EYS: variants seen among roughly 807,000 people sequenced by gnomAD.
The protein encoded by EYS is protein eyes shut homolog.
In EYS, 250 loss-of-function variants were observed where a neutral mutation model predicts 282.1. The ratio of observed to expected loss-of-function variants is 0.89; its 90% CI spans 0.80 to 0.98. EYS has a LOEUF of 0.98. Among genes scored for constraint, EYS ranks in the 50% least tolerant of loss-of-function variants. EYS has a pLI of 0.00. For synonymous variants in EYS, 1,355 were observed against 1,282.9 expected (o/e 1.06, Z -1.20); for missense variants, 4,016 against 3,709.0 (o/e 1.08, Z -2.15).
intron 31 of EYS, among the ~76,000 whole-genome samples, chr6:64,141,377 G>C (rs964351645): frequency 6.6e-6 from 1 of 152,212 alleles, no homozygotes; most frequent in Non-Finnish European, 1.5e-5. Context: ...TATGAAAAGA[G>C]AGAAATCACT....
At chr6:65,687,985 A>G (rs1171314680) in intron 1 of EYS, among the ~76,000 whole-genome samples, 2 of 152,218 alleles carry the variant, frequency 1.3e-5, no homozygotes, top group Non-Finnish European at 2.9e-5. Flanking sequence ...AAGAATCAAT[A>G]TCGTGAAAAT....
rs184618843 is a variant in EYS, at chr6:65,005,257, G to A, written c.2138-7554C>T. Among the ~76,000 whole-genome samples, 114 of 148,076 alleles carry A rather than the reference G, an allele frequency of 7.7e-4. 8 individuals are homozygous for A. Among genetic ancestry groups the A allele is most frequent in the Non-Finnish European group, 1.3e-3 (85 of 66,024 alleles). ...TAAAGGCTTGCCATTGTTCCTGCAC[G>A]GCTAAGTGCCTGCGTTCATCCTAAT... On this transcript the variant is annotated intron_variant, in intron 13 of 42. Coordinates refer to ENST00000503581, the MANE Select transcript of EYS (RefSeq NM_001142800.2).
intron 12 of EYS, among the ~76,000 whole-genome samples, chr6:65,085,936 T>A (rs1440334634): frequency 6.8e-5 from 7 of 102,548 alleles, no homozygotes; most frequent in African/African-American, 1.4e-4. Context: ...CTCCCTTCCC[T>A]TCCCAAAATT....
In EYS at chr6:63,821,585, CTT is replaced by C. The variant is rs1771327764; in HGVS notation, c.7229-15215_7229-15214del. 12 of 152,366 alleles carry C rather than the reference CTT, an allele frequency of 7.9e-5. No individual in the cohort carries two copies. The South Asian group carries it at 2.5e-3, about 32-fold the overall frequency. 9.4% of individuals were successfully genotyped at this position (152,366 alleles called of 1,614,324 possible). The stretch of plus-strand genomic sequence containing the variant: ...GGAGAAAGCCAATGACAGGTTGCTT[CTT>C]GACTGGAATTGTTCAGCACTCCAGA... On this transcript the variant is annotated intron_variant, in intron 36 of 42. Transcript: ENST00000503581.
chr6:64,745,563 T>G (rs1772530471), intron 22 of EYS, among the ~76,000 whole-genome samples: 1 of 152,182 alleles, frequency 6.6e-6, no homozygotes, highest in South Asian at 2.1e-4. Context: ...AAACAGTTAC[T>G]TAAGCGACAA....
chr6:64,565,291 T>C (rs1403249441), intron 26 of EYS, among the ~76,000 whole-genome samples: 1 of 152,182 alleles, frequency 6.6e-6, no homozygotes, highest in African/African-American at 2.4e-5. Context: ...GTTTTTTTTC[T>C]GTTTATTTCT....
intron 14 of EYS, among the ~76,000 whole-genome samples, chr6:64,993,661 G>T (rs1771152046): frequency 6.6e-6 from 1 of 150,752 alleles, no homozygotes; most frequent in Non-Finnish European, 1.5e-5. Context: ...CACCAACATG[G>T]CACATGTATA....
At chr6:64,675,534 T>G (rs1182108232) in intron 22 of EYS, among the ~76,000 whole-genome samples, 1 of 146,240 alleles carries the variant, frequency 6.8e-6, no homozygotes, top group African/African-American at 2.5e-5. Flanking sequence ...TTCAAGCAAT[T>G]CTCCTGCCTC....
intron 34 of EYS, among the ~76,000 whole-genome samples, chr6:63,995,401 C>T (rs189061355): frequency 2.0e-5 from 3 of 151,922 alleles, no homozygotes; most frequent in Admixed American, 2.0e-4. Flanking sequence ...CAGAAAATAA[C>T]AAGTCTTAGT....
intron 22 of EYS, among the ~76,000 whole-genome samples, chr6:64,745,305 A>G (rs1458316685): frequency 6.6e-6 from 1 of 152,208 alleles, no homozygotes; most frequent in Non-Finnish European, 1.5e-5. Flanking sequence ...ATGTCAATAT[A>G]CAAAATGGCA....
intron 9 of EYS, among the ~76,000 whole-genome samples, chr6:65,349,870 A>G (rs188973640): frequency 2.0e-5 from 3 of 151,642 alleles, no homozygotes; most frequent in Admixed American, 1.3e-4. Flanking sequence ...ATGCGCCTAT[A>G]CTACAGCAAT....
intron 12 of EYS, among the ~76,000 whole-genome samples, chr6:65,271,063 C>A (rs1330118297): frequency 2.1e-5 from 3 of 142,686 alleles, no homozygotes; most frequent in Non-Finnish European, 3.0e-5. Context: ...CTTATCATAA[C>A]AACATCCCAC....
At chr6:65,070,063 G>A (rs1773860248) in intron 12 of EYS, among the ~76,000 whole-genome samples, 1 of 151,854 alleles carries the variant, frequency 6.6e-6, no homozygotes, top group Non-Finnish European at 1.5e-5. Flanking sequence ...GTAAAAATAT[G>A]AGGTTAAAAC....
At chr6:64,121,721 A>T (rs1308033543) in intron 31 of EYS, among the ~76,000 whole-genome samples, 1 of 152,138 alleles carries the variant, frequency 6.6e-6, no homozygotes, top group Non-Finnish European at 1.5e-5. Flanking sequence ...ACTCATCCAA[A>T]ACCAATTTCA....
intron 31 of EYS, among the ~76,000 whole-genome samples, chr6:64,223,563 C>CTAGTTCTACACTTGTCTTT (rs1766166015): frequency 6.6e-6 from 1 of 152,018 alleles, no homozygotes; most frequent in East Asian, 1.9e-4. Flanking sequence ...ACCTTGTATT[C>CTAGTTCTACACTTGTCTTT]TAGTTCTACA....
chr6:63,887,750 C>G (rs962061058), intron 35 of EYS, among the ~76,000 whole-genome samples: 1 of 134,074 alleles, frequency 7.5e-6, no homozygotes, highest in Non-Finnish European at 1.7e-5. Context: ...AGCCACTGAG[C>G]TAGATGCAGA....
chr6:64,606,239 C>T (rs988458846), intron 24 of EYS, among the ~76,000 whole-genome samples: 6 of 151,938 alleles, frequency 3.9e-5, no homozygotes, highest in Non-Finnish European at 5.9e-5. Flanking sequence ...TCACATCTTT[C>T]CATTCACACT....
At chr6:65,209,793 A>C (rs921097676) in intron 12 of EYS, among the ~76,000 whole-genome samples, 2 of 151,944 alleles carry the variant, frequency 1.3e-5, no homozygotes, top group African/African-American at 4.8e-5. Context: ...GGAGCTAACA[A>C]TTTCAGAGAC....
chr6:63,845,707 C>T (rs1197252886), intron 36 of EYS, among the ~76,000 whole-genome samples: 1 of 152,098 alleles, frequency 6.6e-6, no homozygotes, highest in African/African-American at 2.4e-5. Context: ...TATAATTAGA[C>T]TTCACTTAAT....
Sources: allele counts gnomAD v4.1 joint callset (sites outside exome capture counted in the v4.1 genomes callset), GRCh38; gene constraint gnomAD v4.1.1; transcripts MANE v1.5; gene names NCBI Gene and HGNC (gene_info 2026-07-23, HGNC 2026-07-21).